The following PARP3 variants were observed in gnomAD, a reference collection of about 807,000 sequenced individuals.
PARP3 encodes poly(ADP-ribose) polymerase family member 3.
PARP3 carries 46 observed loss-of-function variants against 58.2 expected under a neutral mutation model. The ratio of observed to expected loss-of-function variants is 0.79; its 90% CI spans 0.62 to 1.01. The LOEUF is 1.01. PARP3 is among the 50% of genes least tolerant of loss of function. The pLI, the probability that PARP3 is intolerant of heterozygous loss-of-function variation, is 0.00. For missense variants in PARP3, 663 were observed against 683.9 expected (o/e 0.97, Z 0.34); for synonymous variants, 252 against 266.4 (o/e 0.95, Z 0.53).
intron 10 of PARP3, among the ~76,000 whole-genome samples, 156 bp from the exon 11 acceptor site, chr3:51,948,155 A>G (rs1288846991): frequency 6.6e-6 from 1 of 152,212 alleles, no homozygotes; most frequent in Non-Finnish European, 1.5e-5. Flanking sequence ...CACCCCAGGC[A>G]GAAGCCCCAG....
chr3:51,947,607 C>T (rs1331858257), intron 9 of PARP3, 133 bp from the exon 10 acceptor site: 13 of 906,840 alleles, frequency 1.4e-5, no homozygotes, highest in South Asian at 4.8e-5. Context: ...GAGGGAGTGA[C>T]GGTTGGGGGA....
Position 51,944,397 on chromosome 3 carries a change from T to C in PARP3, c.320T>C (p.Val107Ala), listed in dbSNP as rs190579855. ...CWNRWGRVGE[V>A]GQSKINHFTR... ...GAAGGCTGTCGGTTGCAGGGAGAGG[T>C]CGGCCAGTCAAAGATCAACCACTTC... The change falls in exon 4 of 11, where the codon GTC becomes GCC. Residue 107 changes from valine to alanine, a missense_variant. Val to Ala is a moderately conservative substitution (Grantham distance 64). Around this residue, in one of 3 missense-constraint regions of PARP3, gnomAD observed 567 missense variants for 553.6 expected, o/e 1.02. Coordinates refer to ENST00000398755, the MANE Select transcript of PARP3 (RefSeq NM_001003931.4). The surrounding 1 kb of genome is among the most constrained non-coding windows in gnomAD (Gnocchi z 4.2). 8.1e-6 allele frequency: 13 copies of C among 1,613,338 alleles called. No homozygotes were observed. The African/African-American group carries it at 1.7e-4, about 22-fold the overall frequency.
chr3:51,943,294 T>G, intron 1 of PARP3, 60 bp from the exon 2 acceptor site: 7 of 1,451,500 alleles, frequency 4.8e-6, no homozygotes, highest in Non-Finnish European at 6.5e-6. Context: ...GGACTGAGAG[T>G]GGGTCGTTGG....
Position 51,946,117 on chromosome 3 carries a change from T to G in PARP3, c.1099-49T>G. The G allele has an allele frequency of 2.6e-5, 40 of 1,529,334 alleles. No homozygotes were observed. The highest frequency in any genetic ancestry group is 3.6e-5 in the Non-Finnish European group (40 of 1,120,374). 94.7% of individuals were successfully genotyped at this position (1,529,334 alleles called of 1,614,324 possible). ...GTCACAAGCAGCAGGGCAAGGCGAC[T>G]GAGTGCTCGGGTGGCATCACTCCCA... is the stretch of plus-strand genomic sequence containing the variant. On this transcript the variant is annotated intron_variant, in intron 8 of 10. Transcript: ENST00000398755. This position sits in a 1 kb window ranked among gnomAD's most constrained non-coding sequence, Gnocchi z 4.6.
In PARP3 at chr3:51,947,811, C is replaced by A. The variant is rs1406837294; in HGVS notation, c.1348C>A (p.His450Asn). 6.2e-7 allele frequency: 1 copy of A among 1,613,992 alleles called. No homozygotes were observed. Among genetic ancestry groups the A allele is most frequent in the African/African-American group, 1.3e-5 (1 of 74,896 alleles). ...GGGTGAGGTGGCCCTGGGCAGAGAG[C>A]ACCATATCAACACGGACAACCCCAG... ...FLGEVALGRE[H>N]HINTDNPSLK... Residue 450 changes from histidine (H) to asparagine (N), a missense_variant, in exon 10 of 11, where the codon CAC (histidine) becomes AAC (asparagine). By Grantham distance (68) the His-to-Asn change is moderately conservative. Around this residue, in one of 3 missense-constraint regions of PARP3, gnomAD observed 88 missense variants for 109.1 expected, o/e 0.81. Transcript: ENST00000398755.
chr3:51,944,083 G>A lies in PARP3; in HGVS notation c.184-6G>A. 2 of 1,612,734 alleles carry A rather than the reference G, an allele frequency of 1.2e-6. No individual in the cohort carries two copies. Among genetic ancestry groups the A allele is most frequent in the Admixed American group, 1.7e-5 (1 of 59,960 alleles). ...CAGCCTGCCCCCCACCTCCCCTCTGGCCCAGGTGTATGAGGACTACAACTG... is the reference window on the plus strand; with the variant it reads ...CAGCCTGCCCCCCACCTCCCCTCTGACCCAGGTGTATGAGGACTACAACTG... On this transcript the variant is annotated splice_region_variant and splice_polypyrimidine_tract_variant and intron_variant, in intron 2 of 10. Coordinates refer to ENST00000398755, the MANE Select transcript of PARP3 (RefSeq NM_001003931.4). The surrounding 1 kb of genome is among the most constrained non-coding windows in gnomAD (Gnocchi z 4.2).
chr3:51,942,389 C>A lies in PARP3; in HGVS notation c.-322C>A. ...CCGCGCGACCGGCAGATGCGTGCTG[C>A]AGGCCCCGGCCACATGAGCAGCGCT... On this transcript the variant is annotated 5_prime_UTR_variant, in exon 1 of 11. Coordinates refer to ENST00000398755, the MANE Select transcript of PARP3 (RefSeq NM_001003931.4). 3 of 544,752 alleles carry A rather than the reference C, an allele frequency of 5.5e-6. No individual in the cohort carries two copies. In the South Asian group the frequency reaches 5.9e-5, roughly 11 times the overall value. 33.7% of individuals were successfully genotyped at this position (544,752 alleles called of 1,614,324 possible).
intron 1 of PARP3, chr3:51,943,079 C>G: frequency 7.4e-7 from 1 of 1,346,354 alleles, no homozygotes; most frequent in African/African-American, 1.5e-5. Context: ...CCAGGCAGAC[C>G]CTGTTGACCA....
intron 1 of PARP3, 160 bp downstream of exon 1, chr3:51,942,868 G>T: frequency 1.4e-6 from 2 of 1,435,712 alleles, no homozygotes; most frequent in Non-Finnish European, 1.8e-6. Context: ...TCTAAGCTCC[G>T]GGAGGATAAT....
Position 51,944,552 on chromosome 3 carries a change from G to A in PARP3, c.475G>A (p.Asp159Asn), listed in dbSNP as rs1391466373. 1 of 1,614,230 alleles carries A rather than the reference G, an allele frequency of 6.2e-7. No individual in the cohort carries two copies. Among genetic ancestry groups the A allele is most frequent in the Admixed American group, 1.7e-5 (1 of 60,036 alleles). Reference protein sequence around the residue: ...KYTLIEVQAEDEAQEAVVKVD... With the variant: ...KYTLIEVQAENEAQEAVVKVD... ...CACACTTATCGAAGTACAGGCAGAG[G>A]ATGAGGCCCAGGAAGCTGTGGTGAA... Residue 159 changes from aspartate (D) to asparagine (N), a missense_variant, in exon 4 of 11, where the codon GAT (aspartate) becomes AAT (asparagine). Physicochemically the swap from Asp to Asn is conservative, Grantham distance 23 (BLOSUM62 1). Around this residue, in one of 3 missense-constraint regions of PARP3, gnomAD observed 567 missense variants for 553.6 expected, o/e 1.02. Coordinates refer to ENST00000398755, the MANE Select transcript of PARP3 (RefSeq NM_001003931.4). The surrounding 1 kb of genome is among the most constrained non-coding windows in gnomAD (Gnocchi z 4.2).
chr3:51,944,631 T>C lies in PARP3; in HGVS notation c.501+53T>C. 1 of 1,592,282 alleles carries C rather than the reference T, an allele frequency of 6.3e-7. No individual in the cohort carries two copies. Among genetic ancestry groups the C allele is most frequent in the Non-Finnish European group, 8.6e-7 (1 of 1,163,986 alleles). On this transcript the variant is annotated intron_variant, in intron 4 of 10. Transcript: ENST00000398755. The surrounding 1 kb of genome is among the most constrained non-coding windows in gnomAD (Gnocchi z 4.2). ...CCCTGGACTGAGGGAGGGGACTCGT[T>C]GGAGAGTTCCCGCTGGTTGGGCTCT...
At chr3:51,943,661 C>A in intron 2 of PARP3, 123 bp downstream of exon 2, 1 of 899,302 alleles carries the variant, frequency 1.1e-6, no homozygotes, top group Non-Finnish European at 1.7e-6. Context: ...AGCGCCAGAG[C>A]AAGGCCATGT....
Position 51,946,673 on chromosome 3 carries a change from C to T in PARP3, c.1276+330C>T, listed in dbSNP as rs746707147. Among the ~76,000 whole-genome samples the T allele has an allele frequency of 5.9e-5, 9 of 152,126 alleles. No homozygotes were observed. Among genetic ancestry groups the T allele is most frequent in the Non-Finnish European group, 1.3e-4 (9 of 68,024 alleles). ...ACTCTGGAGGCTGAGGCAGGAGGAA[C>T]GCTTGAGCCCACAAGTTTAAGGCTG... On this transcript the variant is annotated intron_variant, in intron 9 of 10. Coordinates refer to ENST00000398755, the MANE Select transcript of PARP3 (RefSeq NM_001003931.4). The surrounding 1 kb of genome is among the most constrained non-coding windows in gnomAD (Gnocchi z 4.6).
At position 51,943,761 on chromosome 3, in the gene PARP3, G is replaced by A. The variant is rs114015035; in HGVS notation, c.183+223G>A. ...GACCCCATGCAGGCCTCCTCCCACC[G>A]CACTTAGGGAAAGGCTGTGACTACA... On this transcript the variant is annotated intron_variant, in intron 2 of 10. Transcript: ENST00000398755. 5.6e-3 allele frequency among the ~76,000 whole-genome samples: 849 copies of A among 152,156 alleles called. 4 individuals are homozygous for A. Among genetic ancestry groups the A allele is most frequent in the South Asian group, 0.027 (132 of 4,828 alleles).
Position 51,943,595 on chromosome 3 carries a change from C to A in PARP3, c.183+57C>A, listed in dbSNP as rs926508735. ...CTGCCCACTGATAAGCACAAACACA[C>A]CCAGGCCACCCCCTTAGGACTCTGT... On this transcript the variant is annotated intron_variant, in intron 2 of 10. Coordinates refer to ENST00000398755, the MANE Select transcript of PARP3 (RefSeq NM_001003931.4). The A allele has an allele frequency of 5.2e-5, 76 of 1,474,384 alleles. No homozygotes were observed. The Admixed American group carries it at 1.0e-3, about 20-fold the overall frequency. The allele number at this position is 1,474,384 out of a possible 1,614,324, so 91.3% of individuals were successfully genotyped here. A position where few individuals can be genotyped will look rare whatever the true frequency, so the allele number is the denominator to read the frequency against.
rs1345270594 is a variant in PARP3 at position 51,944,095 on chromosome 3, G to A, written c.190G>A (p.Glu64Lys). Residue 64 changes from glutamate to lysine, a missense_variant, in exon 3 of 11, where the codon GAG (glutamate) becomes AAG (lysine). Glu to Lys is a moderately conservative substitution (Grantham distance 56). This residue lies in a region of PARP3 where 567 missense variants were observed against 553.6 expected (regional missense o/e 1.02). Transcript: ENST00000398755. The surrounding 1 kb of genome is among the most constrained non-coding windows in gnomAD (Gnocchi z 4.2). ...LSSNPGTQVY[E>K]DYNCTLNQTN... ...CACCTCCCCTCTGGCCCAGGTGTAT[G>A]AGGACTACAACTGCACCCTGAACCA... 6.2e-7 allele frequency: 1 copy of A among 1,612,030 alleles called. No homozygotes were observed. Among genetic ancestry groups the A allele is most frequent in the East Asian group, 2.2e-5 (1 of 44,724 alleles).
At chr3:51,945,766 G>A in intron 7 of PARP3, 87 bp from the exon 8 acceptor site, 3 of 1,525,496 alleles carry the variant, frequency 2.0e-6, no homozygotes, top group Non-Finnish European at 2.7e-6. Flanking sequence ...TCCAGGGCCT[G>A]AGGAGGGCTT....
chr3:51,942,989 C>G lies in PARP3; in HGVS notation c.-3+281C>G. 2.1e-6 allele frequency: 3 copies of G among 1,402,968 alleles called. No homozygotes were observed. The East Asian group carries it at 8.0e-5, about 37-fold the overall frequency. 86.9% of individuals were successfully genotyped at this position (1,402,968 alleles called of 1,614,324 possible). ...GAACTAGCTGACACAGGGGGAGGAGCCCCGAAGTGGAAGAGAGAGAGCCTC... is the reference window on the plus strand; with the variant it reads ...GAACTAGCTGACACAGGGGGAGGAGGCCCGAAGTGGAAGAGAGAGAGCCTC... On this transcript the variant is annotated intron_variant, in intron 1 of 10. Transcript: ENST00000398755.
intron 9 of PARP3, 140 bp from the exon 10 acceptor site, chr3:51,947,600 G>A (rs1357800028): frequency 1.2e-6 from 1 of 838,170 alleles, no homozygotes; most frequent in South Asian, 1.7e-5. Flanking sequence ...GGACAAGGAG[G>A]GAGTGACGGT....
Sources: allele counts gnomAD v4.1 joint callset (sites outside exome capture counted in the v4.1 genomes callset), GRCh38; gene constraint gnomAD v4.1.1; regional missense constraint gnomAD v4.1.1; non-coding constraint Gnocchi (gnomAD v3.1); transcripts MANE v1.5; gene names NCBI Gene and HGNC (gene_info 2026-07-23, HGNC 2026-07-21).